Variants in PRKG1 observed in about 807,000 individuals in gnomAD.
PRKG1 encodes protein kinase cGMP-dependent 1.
Under a neutral mutation model 88.1 loss-of-function variants are expected in PRKG1, and 35 were observed. The ratio of observed to expected loss-of-function variants is 0.40; its 90% CI spans 0.30 to 0.53. The LOEUF (loss-of-function observed/expected upper bound fraction) is 0.53, where lower values mean the gene tolerates loss of function less well. Among genes scored for constraint, PRKG1 ranks in the 20% least tolerant of loss-of-function variants. PRKG1 has a pLI of 0.59. For synonymous variants in PRKG1, 303 were observed against 292.5 expected (o/e 1.04, Z -0.37); for missense variants, 540 against 839.8 (o/e 0.64, Z 4.41).
chr10:51,514,726 G>A (rs761842469), intron 3 of PRKG1, among the ~76,000 whole-genome samples: 1 of 152,180 alleles, frequency 6.6e-6, no homozygotes, highest in African/African-American at 2.4e-5. Context: ...GATGAATCTG[G>A]ACTGTTTCAG....
intron 3 of PRKG1, among the ~76,000 whole-genome samples, chr10:51,751,506 G>A (rs574237863): frequency 2.0e-5 from 3 of 152,182 alleles, no homozygotes; most frequent in African/African-American, 7.2e-5. Flanking sequence ...GGGATTACAA[G>A]TGTGAGCCAT....
chr10:51,255,081 A>C (rs141507637), intron 2 of PRKG1, among the ~76,000 whole-genome samples: 6 of 152,154 alleles, frequency 3.9e-5, no homozygotes, highest in African/African-American at 1.4e-4. Context: ...AGCATATATG[A>C]ATGCTTTACA....
At chr10:51,824,498 T>C (rs1839835375) in intron 4 of PRKG1, among the ~76,000 whole-genome samples, 1 of 152,202 alleles carries the variant, frequency 6.6e-6, no homozygotes, top group African/African-American at 2.4e-5. Context: ...TGGATTAATG[T>C]CTAACACACT....
chr10:51,821,623 T>C (rs1405748786), intron 4 of PRKG1, among the ~76,000 whole-genome samples: 1 of 152,106 alleles, frequency 6.6e-6, no homozygotes, highest in Non-Finnish European at 1.5e-5. Context: ...CGTTGACCTA[T>C]ATATTTATAT....
chr10:51,624,520 C>A (rs986779941), intron 3 of PRKG1, among the ~76,000 whole-genome samples: 6 of 152,174 alleles, frequency 3.9e-5, no homozygotes, highest in Admixed American at 1.3e-4. Context: ...TGCTTCAGAT[C>A]TTTCTGTCTG....
chr10:51,185,992 G>A (rs1427198012), intron 2 of PRKG1, among the ~76,000 whole-genome samples: 2 of 151,624 alleles, frequency 1.3e-5, no homozygotes, highest in Non-Finnish European at 2.9e-5. Context: ...AAAAAAAAAT[G>A]TTATAGAACA....
intron 2 of PRKG1, among the ~76,000 whole-genome samples, chr10:51,213,555 A>T (rs921756499): frequency 6.6e-6 from 1 of 152,252 alleles, no homozygotes; most frequent in Non-Finnish European, 1.5e-5. Context: ...GTGACCACTC[A>T]TTTGGAATTG....
At chr10:51,778,923 TTATA>T (rs150335569) in intron 3 of PRKG1, among the ~76,000 whole-genome samples, 1,658 of 152,278 alleles carry the variant, frequency 0.011, 37 homozygotes, top group African/African-American at 0.038. Context: ...CTGGTAATCT[TTATA>T]TAGTTTTTGT....
chr10:51,779,824 T>C (rs1275393840), intron 3 of PRKG1, among the ~76,000 whole-genome samples: 1 of 152,160 alleles, frequency 6.6e-6, no homozygotes, highest in Non-Finnish European at 1.5e-5. Context: ...GGGTTTACTG[T>C]GGTTTGCCTA....
intron 7 of PRKG1, among the ~76,000 whole-genome samples, chr10:52,074,296 T>C (rs1846577496): frequency 6.6e-6 from 1 of 152,196 alleles, no homozygotes; most frequent in Non-Finnish European, 1.5e-5. Flanking sequence ...CTTACATGAA[T>C]GACTGTTTAT....
At chr10:51,544,031 A>G (rs142072543) in intron 3 of PRKG1, among the ~76,000 whole-genome samples, 1 of 152,314 alleles carries the variant, frequency 6.6e-6, no homozygotes, top group East Asian at 1.9e-4. Context: ...CATCTGTAAA[A>G]TACATGGATA....
intron 9 of PRKG1, among the ~76,000 whole-genome samples, chr10:52,240,452 T>C (rs938730366): frequency 7.2e-5 from 11 of 152,150 alleles, no homozygotes; most frequent in African/African-American, 2.7e-4. Flanking sequence ...GGACCATAAG[T>C]ATAAGCTAAG....
At chr10:51,163,966 A>G (rs1055252316) in intron 2 of PRKG1, among the ~76,000 whole-genome samples, 2 of 152,198 alleles carry the variant, frequency 1.3e-5, no homozygotes, top group African/African-American at 2.4e-5. Context: ...TTCTGGGGGC[A>G]GGGCACAGAC....
At chr10:51,289,329 G>T (rs1395418239) in intron 2 of PRKG1, among the ~76,000 whole-genome samples, 2 of 152,080 alleles carry the variant, frequency 1.3e-5, no homozygotes, top group African/African-American at 4.8e-5. Context: ...GGGTAGCATT[G>T]CTATTGCTTC....
At chr10:52,182,876 C>G (rs560617818) in intron 9 of PRKG1, among the ~76,000 whole-genome samples, 1 of 152,260 alleles carries the variant, frequency 6.6e-6, no homozygotes, top group African/African-American at 2.4e-5. Context: ...TGTGATTTGG[C>G]TCACAGCTCT....
At chr10:51,995,643 C>A (rs1166319377) in intron 5 of PRKG1, among the ~76,000 whole-genome samples, 1 of 152,058 alleles carries the variant, frequency 6.6e-6, no homozygotes, top group Admixed American at 6.6e-5. Flanking sequence ...AAAGAAAGTG[C>A]AGTGATGTAA....
chr10:51,717,866 TCAACAGCACAGACAGCA>T (rs1841923694), intron 3 of PRKG1, among the ~76,000 whole-genome samples: 1 of 151,474 alleles, frequency 6.6e-6, no homozygotes, highest in African/African-American at 2.4e-5. Flanking sequence ...GAACTTATCA[TCAACAGCACAGACAGCA>T]CATTACAAGT....
chr10:51,664,217 CA>C (rs952617518), intron 3 of PRKG1, among the ~76,000 whole-genome samples: 2 of 152,190 alleles, frequency 1.3e-5, no homozygotes, highest in African/African-American at 2.4e-5. Flanking sequence ...TTCAATTTGA[CA>C]AACATAATTT....
intron 1 of PRKG1, among the ~76,000 whole-genome samples, chr10:51,077,750 A>T (rs763021587): frequency 1.8e-4 from 28 of 152,306 alleles, no homozygotes; most frequent in Non-Finnish European, 1.5e-4. Context: ...CAATCTGTAT[A>T]GATACAATAC....
Sources: allele counts gnomAD v4.1 joint callset (sites outside exome capture counted in the v4.1 genomes callset), GRCh38; gene constraint gnomAD v4.1.1; transcripts MANE v1.5; gene names NCBI Gene and HGNC (gene_info 2026-07-23, HGNC 2026-07-21).